Variants in POLR1A observed in about 807,000 individuals in gnomAD.
POLR1A encodes DNA-directed RNA polymerase I subunit RPA1.
A neutral mutation model predicts 205.3 loss-of-function variants in POLR1A; 84 were observed. The observed-to-expected ratio is 0.41, with a 90% CI of 0.34 to 0.49. POLR1A has a LOEUF of 0.49. Ranked by LOEUF, POLR1A falls within the 20% of genes least tolerant of loss-of-function variation. The pLI, the probability that POLR1A is intolerant of heterozygous loss-of-function variation, is 0.22. For missense variants in POLR1A, 1,645 were observed against 2,204.5 expected, an observed-to-expected ratio of 0.75 and a Z score of 5.08; for synonymous variants, 799 against 863.7, an observed-to-expected ratio of 0.93 and a Z score of 1.31.
intron 14 of POLR1A, among the ~76,000 whole-genome samples, chr2:86,054,624 T>C (rs541237865): frequency 6.6e-6 from 1 of 152,308 alleles, no homozygotes; most frequent in East Asian, 1.9e-4. Flanking sequence ...AAAAAGTAAA[T>C]TGTTTTCATT....
chr2:86,096,467 C>A (rs1673704601), intron 3 of POLR1A, among the ~76,000 whole-genome samples: 1 of 151,712 alleles, frequency 6.6e-6, no homozygotes, highest in Non-Finnish European at 1.5e-5. Context: ...CCTGAATGGC[C>A]AAAGCAATCT....
At position 86,024,726 on chromosome 2, in the gene POLR1A, AAAAC is replaced by A. The variant is rs1690226010; in HGVS notation, c.*2693_*2696del. ...GCAATAAACCAAAACCCGTCTCTAC[AAAAC>A]AAATAAAAAAACTGTTAGAAGCAAG... On this transcript the variant is annotated 3_prime_UTR_variant, in exon 34 of 34. Coordinates refer to ENST00000263857, the MANE Select transcript of POLR1A (RefSeq NM_015425.6). 6.6e-6 allele frequency: 1 copy of A among 152,250 alleles called. No homozygotes were observed. Among genetic ancestry groups the A allele is most frequent in the African/African-American group, 2.4e-5 (1 of 41,454 alleles). The allele number at this position is 152,250 out of a possible 1,614,324, so 9.4% of individuals were successfully genotyped here.
intron 7 of POLR1A, among the ~76,000 whole-genome samples, chr2:86,082,104 G>A (rs761150567): frequency 6.6e-5 from 10 of 152,116 alleles, no homozygotes; most frequent in Non-Finnish European, 1.5e-4. Flanking sequence ...CCATATTGCT[G>A]TGATTGGAGG....
rs1305978714 is a variant in POLR1A, at chr2:86,022,009, G to A, written c.*5414C>T. ...AGAGTTGAGTTAAACCCTGCTCCTT[G>A]ATGACCACTCGTGGTAGGACAGCGA... On this transcript the variant is annotated 3_prime_UTR_variant, in exon 34 of 34. Coordinates refer to ENST00000263857, the MANE Select transcript of POLR1A (RefSeq NM_015425.6). 6.6e-6 allele frequency: 1 copy of A among 152,248 alleles called. No individual in the cohort carries two copies. The highest frequency in any genetic ancestry group is 2.4e-5 in the African/African-American group (1 of 41,462). 9.4% of individuals were successfully genotyped at this position (152,248 alleles called of 1,614,324 possible). A position where few individuals can be genotyped will look rare whatever the true frequency, so the allele number is the denominator to read the frequency against.
intron 1 of POLR1A, among the ~76,000 whole-genome samples, chr2:86,103,755 AATATAC>A (rs1673866019): frequency 6.6e-6 from 1 of 152,212 alleles, no homozygotes; most frequent in African/African-American, 2.4e-5. Context: ...GAGGAAGACA[AATATAC>A]ATAAGCACAA....
chr2:86,055,755 C>CCTG (rs1672883902), intron 14 of POLR1A, among the ~76,000 whole-genome samples: 1 of 152,216 alleles, frequency 6.6e-6, no homozygotes, highest in African/African-American at 2.4e-5. Context: ...GATAAAAATA[C>CCTG]TCAACAGACT....
Position 86,041,245 on chromosome 2 carries a change from C to CTGTG in POLR1A, c.3572+640_3572+643dup, listed in dbSNP as rs9309630. On this transcript the variant is annotated intron_variant, in intron 24 of 33. Coordinates refer to ENST00000263857, the MANE Select transcript of POLR1A (RefSeq NM_015425.6). ...GTGTGTGTGTGCTGAGCTACAGTGT[C>CTGTG]TGTGTGTGTGTGTGTGTGTGTGCTG... 2.2e-4 allele frequency among the ~76,000 whole-genome samples: 27 copies of CTGTG among 123,612 alleles called. 1 individual carries two copies. Among genetic ancestry groups the CTGTG allele is most frequent in the Non-Finnish European group, 3.2e-4 (18 of 56,170 alleles). 81.1% of individuals were successfully genotyped at this position (123,612 alleles called of 152,430 possible). A position where few individuals can be genotyped will look rare whatever the true frequency, so the allele number is the denominator to read the frequency against.
chr2:86,022,552 C>G lies in POLR1A; in HGVS notation c.*4871G>C, dbSNP rs992195632. ...AAGATTTTCTAATGCCTAGGCCACA[C>G]TCCAGGCCAATAAAATCAGAATCTG... On this transcript the variant is annotated 3_prime_UTR_variant, in exon 34 of 34. Transcript: ENST00000263857. The G allele has an allele frequency of 3.2e-4, 49 of 152,238 alleles. No individual in the cohort carries two copies. Among genetic ancestry groups the G allele is most frequent in the African/African-American group, 1.1e-3 (47 of 41,446 alleles). 9.4% of individuals were successfully genotyped at this position (152,238 alleles called of 1,614,324 possible). A position where few individuals can be genotyped will look rare whatever the true frequency, so the allele number is the denominator to read the frequency against.
At chr2:86,093,070 C>T (rs1307463312) in intron 3 of POLR1A, among the ~76,000 whole-genome samples, 1 of 152,178 alleles carries the variant, frequency 6.6e-6, no homozygotes, top group Non-Finnish European at 1.5e-5. Context: ...GGAATGGAGT[C>T]ATTCACCATG....
At chr2:86,031,723 C>T (rs1672399014) in intron 29 of POLR1A, 88 bp from the exon 30 acceptor site, 2 of 1,533,108 alleles carry the variant, frequency 1.3e-6, no homozygotes, top group Non-Finnish European at 1.8e-6. Context: ...CCTGCAAAGC[C>T]TTGGCTGGCC....
chr2:86,038,903 G>C (rs6751694), intron 26 of POLR1A, 46 bp from the exon 27 acceptor site: 6 of 1,588,812 alleles, frequency 3.8e-6, no homozygotes, highest in South Asian at 1.1e-5. Flanking sequence ...CAGGTCCTAG[G>C]TGACTGCGCA....
intron 1 of POLR1A, among the ~76,000 whole-genome samples, chr2:86,104,128 G>A (rs750019885): frequency 6.6e-6 from 1 of 152,204 alleles, no homozygotes; most frequent in Admixed American, 6.5e-5. Context: ...GGTGACAGTA[G>A]CATGACTACA....
intron 16 of POLR1A, among the ~76,000 whole-genome samples, chr2:86,051,239 C>T (rs1672796248): frequency 6.6e-6 from 1 of 152,090 alleles, no homozygotes; most frequent in Non-Finnish European, 1.5e-5. Context: ...GAGTATGTAG[C>T]GTAGGATCCC....
Position 86,088,868 on chromosome 2 carries a change from T to C in POLR1A, c.543A>G (p.Val181=), listed in dbSNP as rs1216017133. ...NNLLGSQGAH[V]KNVCESKSKL... ...TGCTCTTGCTCTCACACACGTTCTT[T>C]ACCTGTTTTTTTAAAAAAAGTCAGA... Residue 181 remains valine (V), a splice_region_variant and synonymous_variant, in exon 5 of 34, where the codon GTA becomes GTG. Coordinates refer to ENST00000263857, the MANE Select transcript of POLR1A (RefSeq NM_015425.6). The C allele has an allele frequency of 3.1e-6, 5 of 1,609,352 alleles. No homozygotes were observed. The East Asian group carries it at 6.7e-5, about 22-fold the overall frequency.
chr2:86,027,438 C>T lies in POLR1A; in HGVS notation c.5148G>A (p.Lys1716=), dbSNP rs760044629. The T allele has an allele frequency of 6.2e-7, 1 of 1,613,950 alleles. No homozygotes were observed. Among genetic ancestry groups the T allele is most frequent in the Non-Finnish European group, 8.5e-7 (1 of 1,179,970 alleles). ...VRGGTGLFEL[K]QPLR is the part of the protein sequence containing the mutation. The stretch of plus-strand genomic sequence containing the variant: ...GGGGTAGCTGCTATCTCAGAGGCTG[C>T]TTGAGCTCGAACAGGCCTGTCCCGC... The change falls in exon 34 of 34, where the codon AAG becomes AAA. Residue 1716 remains lysine (K), a synonymous_variant. Transcript: ENST00000263857.
intron 9 of POLR1A, among the ~76,000 whole-genome samples, chr2:86,079,395 G>A (rs533244385): frequency 3.3e-5 from 5 of 152,112 alleles, no homozygotes; most frequent in Non-Finnish European, 2.9e-5. Context: ...ATGCCTAGAC[G>A]GTGACTGGCA....
intron 14 of POLR1A, among the ~76,000 whole-genome samples, chr2:86,055,358 C>T (rs1208035269): frequency 1.3e-5 from 2 of 152,162 alleles, no homozygotes; most frequent in African/African-American, 2.4e-5. Flanking sequence ...TTTTCACCCA[C>T]GTGCACCAGG....
Position 86,052,835 on chromosome 2 carries a change from A to T in POLR1A, c.2374T>A (p.Tyr792Asn). 6.3e-7 allele frequency: 1 copy of T among 1,576,948 alleles called. No homozygotes were observed. The highest frequency in any genetic ancestry group is 8.6e-7 in the Non-Finnish European group (1 of 1,160,842). The change falls in exon 16 of 34, where the codon TAC (tyrosine) becomes AAC (asparagine). Residue 792 changes from tyrosine (Y) to asparagine (N), a missense_variant. Physicochemically the swap from Tyr to Asn is moderately radical, Grantham distance 143. Transcript: ENST00000263857. ...CACTTACCCAAGGTGAAGCCTCTGT[A>T]GAGCTGCAGGTAGGCGGTGAAGAGG... is the stretch of plus-strand genomic sequence containing the variant. ...ARLFTAYLQL[Y>N]RGFTLGVEDI...
At chr2:86,100,564 A>C in intron 1 of POLR1A, among the ~76,000 whole-genome samples, 1 of 146,050 alleles carries the variant, frequency 6.8e-6, no homozygotes, top group South Asian at 2.2e-4. Context: ...ACAAGGTCTC[A>C]CTCCTGTTGC....
Sources: gnomAD v4.1 joint callset for allele counts (sites outside exome capture counted in the v4.1 genomes callset) on GRCh38, gnomAD v4.1.1 for gene constraint, MANE v1.5 for transcripts, NCBI Gene and HGNC (gene_info 2026-07-23, HGNC 2026-07-21) for gene names.